Variants in TNPO2 observed in about 807,000 individuals in gnomAD.
TNPO2 encodes transportin 2, also known as transportin-2.
A neutral mutation model predicts 111.1 loss-of-function variants in TNPO2; 16 were observed. The observed-to-expected ratio is 0.14, with a 90% CI of 0.10 to 0.22. The LOEUF is 0.22. Ranked by LOEUF, TNPO2 falls within the 10% of genes least tolerant of loss-of-function variation. The probability of loss-of-function intolerance (pLI) is 1.00; values close to 1 mark genes in which losing one functional copy is unlikely to be tolerated. For missense variants in TNPO2, 530 were observed against 1,173.7 expected (o/e 0.45, Z 8.01); for synonymous variants, 481 against 475.8 (o/e 1.01, Z -0.14).
At chr19:12,717,268 C>CTTT (rs554725285) in intron 5 of TNPO2, among the ~76,000 whole-genome samples, 50 of 122,376 alleles carry the variant, frequency 4.1e-4, no homozygotes, top group East Asian at 6.6e-4. Flanking sequence ...CTTTTTCTCT[C>CTTT]TTTTTTTTTT....
chr19:12,703,614 G>A (rs747824563), intron 19 of TNPO2, 88 bp from the exon 20 acceptor site: 42 of 1,569,346 alleles, frequency 2.7e-5, no homozygotes, highest in Non-Finnish European at 3.4e-5. Flanking sequence ...CAGACAGTAC[G>A]AATACATCCC....
rs368731039 is a variant in TNPO2, at chr19:12,701,382, C to T, written c.2658G>A (p.Leu886=). ...AGAAAGCCGCCAGCCTCTCCTTGAG[C>T]AGCGGCGGGAATTGCTCAGAGAACT... ...WQQFSEQFPP[L]LKERLAAFYG... The change falls in exon 25 of 26, where the codon CTG becomes CTA. Residue 886 remains leucine (L), a synonymous_variant. Transcript: ENST00000425528. The surrounding 1 kb of genome is among the most constrained non-coding windows in gnomAD (Gnocchi z 5.0). The T allele has an allele frequency of 6.0e-5, 97 of 1,613,860 alleles. No individual in the cohort carries two copies. The African/African-American group carries it at 1.2e-3, about 20-fold the overall frequency.
Position 12,702,925 on chromosome 19 carries a change from G to T in TNPO2, c.2210-7C>A. 1 of 1,613,552 alleles carries T rather than the reference G, an allele frequency of 6.2e-7. No individual in the cohort carries two copies. Among genetic ancestry groups the T allele is most frequent in the Non-Finnish European group, 8.5e-7 (1 of 1,179,564 alleles). ...TAAGGCTGCATCTCTGCCCCTGGGG[G>T]AGCACCCAGTCAGAGCCCTGCACAG... On this transcript the variant is annotated splice_polypyrimidine_tract_variant and splice_region_variant and intron_variant, in intron 20 of 25. Transcript: ENST00000425528. This position sits in a 1 kb window ranked among gnomAD's most constrained non-coding sequence, Gnocchi z 5.5.
In TNPO2 at chr19:12,719,386, G is replaced by A. The variant is rs770768418; in HGVS notation, c.100-50C>T. ...AAGACAGAGGCCTTCCCCCAGCCAG[G>A]TCCCCTCATTATGTACCTGACACTA... On this transcript the variant is annotated intron_variant, in intron 3 of 25. Coordinates refer to ENST00000425528, the MANE Select transcript of TNPO2 (RefSeq NM_001382241.1). This position sits in a 1 kb window ranked among gnomAD's most constrained non-coding sequence, Gnocchi z 5.0. 1 of 1,536,218 alleles carries A rather than the reference G, an allele frequency of 6.5e-7. No homozygotes were observed. Among genetic ancestry groups the A allele is most frequent in the East Asian group, 2.3e-5 (1 of 44,238 alleles).
rs751262808 is a variant in TNPO2 at position 12,711,516 on chromosome 19, G to A, written c.951+37C>T. ...TGGGGACCACAGCCGCGACACCCACGCCCATGCCCACCCATGCTGGGTGGG... is the reference window on the plus strand; with the variant it reads ...TGGGGACCACAGCCGCGACACCCACACCCATGCCCACCCATGCTGGGTGGG... On this transcript the variant is annotated intron_variant, in intron 11 of 25. Transcript: ENST00000425528. 8 of 1,613,666 alleles carry A rather than the reference G, an allele frequency of 5.0e-6. No individual in the cohort carries two copies. The East Asian group carries it at 8.9e-5, about 18-fold the overall frequency.
At chr19:12,720,490 T>G (rs1276487379) in intron 3 of TNPO2, among the ~76,000 whole-genome samples, 1 of 151,858 alleles carries the variant, frequency 6.6e-6, no homozygotes, top group Non-Finnish European at 1.5e-5. Context: ...CTAGCTATTT[T>G]TTGTATTTTT....
intron 20 of TNPO2, 177 bp from the exon 21 acceptor site, chr19:12,703,095 G>A (rs1384955238): frequency 3.2e-6 from 2 of 617,680 alleles, no homozygotes; most frequent in African/African-American, 1.8e-5. Flanking sequence ...TGGCCAACCA[G>A]GGACAGACCC....
intron 5 of TNPO2, among the ~76,000 whole-genome samples, chr19:12,717,268 CTTTTTTT>C (rs554725285): frequency 8.2e-6 from 1 of 122,370 alleles, no homozygotes; most frequent in South Asian, 2.6e-4. Context: ...CTTTTTCTCT[CTTTTTTT>C]TTTTTTTTTT....
chr19:12,719,134 C>G lies in TNPO2; in HGVS notation c.220G>C (p.Val74Leu), dbSNP rs765968488. Residue 74 changes from valine to leucine, a missense_variant, in exon 5 of 26, where the codon GTG becomes CTG. Val to Leu is a conservative substitution (Grantham distance 32). Coordinates refer to ENST00000425528, the MANE Select transcript of TNPO2 (RefSeq NM_001382241.1). This position sits in a 1 kb window ranked among gnomAD's most constrained non-coding sequence, Gnocchi z 5.0. ...GGGAAGCTCTGATAGTGTGCCTTCACGTTGTTCTTGAGGATGAGGCCACTG... is the reference window on the plus strand; with the variant it reads ...GGGAAGCTCTGATAGTGTGCCTTCAGGTTGTTCTTGAGGATGAGGCCACTG... ...SLSGLILKNN[V>L]KAHYQSFPPP... is the part of the protein sequence containing the mutation. The G allele has an allele frequency of 1.2e-6, 2 of 1,613,820 alleles. No homozygotes were observed. The highest frequency in any genetic ancestry group is 1.7e-6 in the Non-Finnish European group (2 of 1,179,916).
chr19:12,710,490 T>G, intron 13 of TNPO2, 131 bp downstream of exon 13: 11 of 1,082,056 alleles, frequency 1.0e-5, no homozygotes, highest in Non-Finnish European at 1.3e-5. Flanking sequence ...AGGGGAGAAT[T>G]GAGATCTCAG....
rs74540120 is a variant in TNPO2, at chr19:12,715,020, G to A, written c.771+27C>T. On this transcript the variant is annotated intron_variant, in intron 9 of 25. Coordinates refer to ENST00000425528, the MANE Select transcript of TNPO2 (RefSeq NM_001382241.1). The surrounding 1 kb of genome is among the most constrained non-coding windows in gnomAD (Gnocchi z 7.1). ...CCTGCCACCGGCCCCCTGCCTGCCC[G>A]CCTGGGCTGGCCTTGACCATGCACA... 2.2e-5 allele frequency: 34 copies of A among 1,570,982 alleles called. No homozygotes were observed. Among genetic ancestry groups the A allele is most frequent in the East Asian group, 1.8e-4 (8 of 44,552 alleles).
At position 12,705,661 on chromosome 19, in the gene TNPO2, G is replaced by A. The variant is rs1339880785; in HGVS notation, c.1755+21C>T. ...AGGGTGGGCAGGATGGGTTTCGGGT[G>A]AGGGGCAGGAGCCCACTCACCTCCA... On this transcript the variant is annotated intron_variant, in intron 16 of 25. Transcript: ENST00000425528. This position sits in a 1 kb window ranked among gnomAD's most constrained non-coding sequence, Gnocchi z 7.2. 18 of 1,550,350 alleles carry A rather than the reference G, an allele frequency of 1.2e-5. No homozygotes were observed. The highest frequency in any genetic ancestry group is 2.7e-5 in the African/African-American group (2 of 73,494).
intron 12 of TNPO2, 127 bp from the exon 13 acceptor site, chr19:12,710,900 T>C (rs1339080399): frequency 9.4e-6 from 10 of 1,064,216 alleles, no homozygotes; most frequent in Non-Finnish European, 1.2e-5. Flanking sequence ...TTTTTTTTTG[T>C]TTTGTTTTTT....
intron 18 of TNPO2, among the ~76,000 whole-genome samples, chr19:12,704,290 A>G (rs2025494617): frequency 6.7e-6 from 1 of 150,212 alleles, no homozygotes; most frequent in Non-Finnish European, 1.5e-5. Context: ...AACTGCTTGA[A>G]CCCTGGAGGT....
intron 18 of TNPO2, among the ~76,000 whole-genome samples, chr19:12,704,499 T>C (rs1279665167): frequency 6.6e-6 from 1 of 152,196 alleles, no homozygotes; most frequent in Admixed American, 6.6e-5. Context: ...GGAATAGTTG[T>C]TATACTGTAT....
chr19:12,702,762 C>T lies in TNPO2; in HGVS notation c.2305+61G>A, dbSNP rs1012888488. On this transcript the variant is annotated intron_variant, in intron 21 of 25. Coordinates refer to ENST00000425528, the MANE Select transcript of TNPO2 (RefSeq NM_001382241.1). The surrounding 1 kb of genome is among the most constrained non-coding windows in gnomAD (Gnocchi z 5.5). ...GGCTCTTTCTGATGCCCTTCCCAGC[C>T]CAGAACCCCACCTCCAGAAGGCAGG... 58 of 1,514,084 alleles carry T rather than the reference C, an allele frequency of 3.8e-5. No homozygotes were observed. The highest frequency in any genetic ancestry group is 8.2e-6 in the Non-Finnish European group (9 of 1,091,790). The allele number at this position is 1,514,084 out of a possible 1,614,324, so 93.8% of individuals were successfully genotyped here. A position where few individuals can be genotyped will look rare whatever the true frequency, so the allele number is the denominator to read the frequency against.
intron 3 of TNPO2, among the ~76,000 whole-genome samples, chr19:12,720,271 G>T (rs186846141): frequency 6.6e-6 from 1 of 151,912 alleles, no homozygotes; most frequent in Non-Finnish European, 1.5e-5. Flanking sequence ...CGTCCGCCTC[G>T]GCCTCCCAAA....
At position 12,699,466 on chromosome 19, in the gene TNPO2, A is replaced by T. The variant is rs1063903; in HGVS notation, c.*1798T>A. The T allele has an allele frequency of 2.5e-3, 287 of 116,954 alleles. 1 individual carries two copies. The highest frequency in any genetic ancestry group is 8.1e-3 in the Middle Eastern group (2 of 246). The allele number at this position is 116,954 out of a possible 1,614,324, so 7.2% of individuals were successfully genotyped here. A position where few individuals can be genotyped will look rare whatever the true frequency, so the allele number is the denominator to read the frequency against. ...TAAAAAATTAAATAGTTTTTTTTTA[A>T]AAAAAAAAAAAAAAAGGAAAACGAG... On this transcript the variant is annotated 3_prime_UTR_variant, in exon 26 of 26. Transcript: ENST00000425528.
chr19:12,709,434 T>C (rs539210081), intron 13 of TNPO2, among the ~76,000 whole-genome samples: 2 of 152,310 alleles, frequency 1.3e-5, no homozygotes. Flanking sequence ...ATATACCCTA[T>C]TAACATGAGA....
Sources: allele counts gnomAD v4.1 joint callset (sites outside exome capture counted in the v4.1 genomes callset), GRCh38; gene constraint gnomAD v4.1.1; non-coding constraint Gnocchi (gnomAD v3.1); transcripts MANE v1.5; gene names NCBI Gene and HGNC (gene_info 2026-07-23, HGNC 2026-07-21).